DNAAF9: variants seen among roughly 807,000 people sequenced by gnomAD.
DNAAF9 encodes shulin.
A neutral mutation model predicts 167.0 loss-of-function variants in DNAAF9; 90 were observed. That is an observed-to-expected ratio of 0.54 (90% CI 0.45 to 0.64). DNAAF9 has a LOEUF of 0.64. Among genes scored for constraint, DNAAF9 ranks in the 30% least tolerant of loss-of-function variants. The pLI is 0.00. For missense variants in DNAAF9, 1,315 were observed against 1,442.2 expected, an observed-to-expected ratio of 0.91 and a Z score of 1.43; for synonymous variants, 491 against 508.8, an observed-to-expected ratio of 0.96 and a Z score of 0.47.
intron 12 of DNAAF9, among the ~76,000 whole-genome samples, chr20:3,328,881 T>C (rs567261588): frequency 1.3e-5 from 2 of 151,622 alleles, no homozygotes; most frequent in African/African-American, 4.8e-5. Context: ...TTTTTTTTTT[T>C]TTTTTTGAGA....
intron 31 of DNAAF9, among the ~76,000 whole-genome samples, chr20:3,261,998 T>C (rs1389153087): frequency 1.3e-5 from 2 of 152,098 alleles, no homozygotes; most frequent in African/African-American, 4.8e-5. Flanking sequence ...AGAGAATGTG[T>C]GCACAGCACA....
chr20:3,295,820 C>A, intron 23 of DNAAF9: 1 of 905,156 alleles, frequency 1.1e-6, no homozygotes, highest in Non-Finnish European at 1.8e-6. Flanking sequence ...CATCAAAATT[C>A]AAAAATCAGT....
At chr20:3,259,690 C>G in intron 32 of DNAAF9, 136 bp from the exon 33 acceptor site, 1 of 723,940 alleles carries the variant, frequency 1.4e-6, no homozygotes, top group Admixed American at 2.1e-5. Flanking sequence ...ACCCGCCACA[C>G]CCTGTTGCTC....
chr20:3,320,223 T>C (rs1303134150), intron 16 of DNAAF9, among the ~76,000 whole-genome samples: 1 of 152,202 alleles, frequency 6.6e-6, no homozygotes, highest in Non-Finnish European at 1.5e-5. Context: ...ATATGACACA[T>C]TATGATATCA....
chr20:3,319,341 C>T (rs949918446), intron 16 of DNAAF9, among the ~76,000 whole-genome samples: 2 of 149,022 alleles, frequency 1.3e-5, no homozygotes, highest in African/African-American at 2.5e-5. Context: ...GCTGAGGCTT[C>T]AGTAGCCTGG....
In DNAAF9 at chr20:3,311,280, A is replaced by C. The variant is rs181232864; in HGVS notation, c.1678+3753T>G. On this transcript the variant is annotated intron_variant, in intron 20 of 36. Coordinates refer to ENST00000252032, the MANE Select transcript of DNAAF9 (RefSeq NM_001009984.3). ...CTCAGCCTTCCAAGTAGATGGGACTACAGGAATATGCCACCATGCCTGGCT... is the reference window on the plus strand; with the variant it reads ...CTCAGCCTTCCAAGTAGATGGGACTCCAGGAATATGCCACCATGCCTGGCT... 1.2e-3 allele frequency among the ~76,000 whole-genome samples: 181 copies of C among 151,804 alleles called. 4 individuals carry two copies. The East Asian group carries it at 0.031, about 26-fold the overall frequency.
At chr20:3,384,607 A>G (rs1370476160) in intron 1 of DNAAF9, among the ~76,000 whole-genome samples, 1 of 151,642 alleles carries the variant, frequency 6.6e-6, no homozygotes, top group Non-Finnish European at 1.5e-5. Flanking sequence ...TCCTGGGCTC[A>G]AGCAATCCTC....
intron 25 of DNAAF9, among the ~76,000 whole-genome samples, chr20:3,293,641 C>T (rs913403342): frequency 2.2e-5 from 3 of 134,158 alleles, no homozygotes; most frequent in Non-Finnish European, 3.1e-5. Context: ...GCCGAGATCA[C>T]GCCAGTGCAC....
intron 23 of DNAAF9, chr20:3,295,820 C>G: frequency 1.1e-6 from 1 of 905,156 alleles, no homozygotes; most frequent in African/African-American, 1.6e-5. Context: ...CATCAAAATT[C>G]AAAAATCAGT....
chr20:3,255,603 C>G (rs1216151615), intron 34 of DNAAF9, among the ~76,000 whole-genome samples: 2 of 152,114 alleles, frequency 1.3e-5, no homozygotes, highest in Non-Finnish European at 2.9e-5. Flanking sequence ...TCTGAGGCCC[C>G]ACAGTCAAGA....
chr20:3,381,680 T>G (rs2083656627), intron 2 of DNAAF9, among the ~76,000 whole-genome samples, 182 bp from the exon 3 acceptor site: 1 of 152,198 alleles, frequency 6.6e-6, no homozygotes, highest in African/African-American at 2.4e-5. Context: ...ATCAAGTACC[T>G]TTACTTGAAT....
At chr20:3,341,603 A>G (rs2070086938) in intron 9 of DNAAF9, among the ~76,000 whole-genome samples, 2 of 152,044 alleles carry the variant, frequency 1.3e-5, no homozygotes, top group Admixed American at 6.6e-5. Flanking sequence ...CTTCAAATCT[A>G]ATTAACCTTC....
At chr20:3,359,758 G>A (rs1328496004) in intron 6 of DNAAF9, among the ~76,000 whole-genome samples, 165 bp from the exon 7 acceptor site, 3 of 152,070 alleles carry the variant, frequency 2.0e-5, no homozygotes, top group Non-Finnish European at 2.9e-5. Context: ...ATTAATAAAT[G>A]TTTTACCATA....
At chr20:3,304,780 A>T (rs1466283967) in intron 20 of DNAAF9, among the ~76,000 whole-genome samples, 2 of 152,178 alleles carry the variant, frequency 1.3e-5, no homozygotes, top group Non-Finnish European at 2.9e-5. Flanking sequence ...AAGTGAATAA[A>T]CTATCAGCTA....
chr20:3,296,890 T>C lies in DNAAF9; in HGVS notation c.1989A>G (p.Glu663=). 2 of 1,611,082 alleles carry C rather than the reference T, an allele frequency of 1.2e-6. No homozygotes were observed. The highest frequency in any genetic ancestry group is 1.7e-6 in the Non-Finnish European group (2 of 1,177,236). ...NSGISLKVIQ[E]DGLSVEQKRL... The stretch of plus-strand genomic sequence containing the variant: ...TCTTTTGTTCCACAGATAATCCATC[T>C]TCCTGGATCACTTTTAAAGAGATCC... The change falls in exon 23 of 37, where the codon GAA becomes GAG. Residue 663 remains glutamate, a synonymous_variant. Transcript: ENST00000252032.
At chr20:3,289,130 TGAGC>T in intron 26 of DNAAF9, among the ~76,000 whole-genome samples, 1 of 152,256 alleles carries the variant, frequency 6.6e-6, no homozygotes, top group Admixed American at 6.5e-5. Flanking sequence ...GAGGATCACT[TGAGC>T]TCAGGAGTTT....
Position 3,270,410 on chromosome 20 carries a change from G to A in DNAAF9, c.2786+17C>T. 6.2e-7 allele frequency: 1 copy of A among 1,611,762 alleles called. No homozygotes were observed. Among genetic ancestry groups the A allele is most frequent in the South Asian group, 1.1e-5 (1 of 91,012 alleles). On this transcript the variant is annotated intron_variant, in intron 30 of 36. Coordinates refer to ENST00000252032, the MANE Select transcript of DNAAF9 (RefSeq NM_001009984.3). ...CTGAGAAAGCAACTGGTCTTGCAGA[G>A]TGAATCTATAGATTACCTGGTGACA...
intron 29 of DNAAF9, among the ~76,000 whole-genome samples, 165 bp from the exon 30 acceptor site, chr20:3,270,727 T>C (rs1238440003): frequency 6.6e-6 from 1 of 151,882 alleles, no homozygotes; most frequent in Admixed American, 6.6e-5. Context: ...ATCATTCTCT[T>C]CCCACTTCCC....
chr20:3,259,458 C>A, intron 33 of DNAAF9, 22 bp downstream of exon 33: 1 of 1,375,406 alleles, frequency 7.3e-7, no homozygotes, highest in Non-Finnish European at 9.8e-7. Context: ...TGTAGAGCTC[C>A]CAAATCCCAG....
Sources: allele counts gnomAD v4.1 joint callset (sites outside exome capture counted in the v4.1 genomes callset), GRCh38; gene constraint gnomAD v4.1.1; transcripts MANE v1.5; gene names NCBI Gene and HGNC (gene_info 2026-07-23, HGNC 2026-07-21).